SEMA3C: variants seen among roughly 807,000 people sequenced by gnomAD.
SEMA3C encodes semaphorin-3C.
A neutral mutation model predicts 89.4 loss-of-function variants in SEMA3C; 47 were observed. The ratio of observed to expected loss-of-function variants is 0.53; its 90% CI spans 0.42 to 0.67. SEMA3C has a LOEUF of 0.67. Ranked by LOEUF, SEMA3C falls within the 30% of genes least tolerant of loss-of-function variation. The pLI, the probability that SEMA3C is intolerant of heterozygous loss-of-function variation, is 0.00. For synonymous variants in SEMA3C, 310 were observed against 320.2 expected, an observed-to-expected ratio of 0.97 and a Z score of 0.34; for missense variants, 839 against 929.1, an observed-to-expected ratio of 0.90 and a Z score of 1.26.
intron 15 of SEMA3C, among the ~76,000 whole-genome samples, chr7:80,752,610 A>C (rs1158157011): frequency 3.3e-5 from 3 of 91,576 alleles, no homozygotes; most frequent in African/African-American, 1.2e-4. Context: ...GTGAGACTCC[A>C]TCTCAAAAAA....
At chr7:80,792,689 CT>C (rs1157571688) in intron 11 of SEMA3C, among the ~76,000 whole-genome samples, 1 of 152,126 alleles carries the variant, frequency 6.6e-6, no homozygotes, top group East Asian at 1.9e-4. Flanking sequence ...CTCCACAAGA[CT>C]TTTTTTAATA....
In SEMA3C at chr7:80,798,181, C is replaced by T. The variant is rs1167128915; in HGVS notation, c.1042G>A (p.Val348Met). 6.2e-7 allele frequency: 1 copy of T among 1,605,764 alleles called. No homozygotes were observed. Among genetic ancestry groups the T allele is most frequent in the Admixed American group, 1.7e-5 (1 of 58,562 alleles). ...CVYHLSDIQT[V>M]FNGPFAHKEG... The stretch of plus-strand genomic sequence containing the variant: ...TTGTGGGCAAAAGGCCCATTAAACA[C>T]AGTCTGTATATCAGATAAATGATAC... Residue 348 changes from valine to methionine, a missense_variant, in exon 11 of 18, where the codon GTG (valine) becomes ATG (methionine). Physicochemically the swap from Val to Met is conservative, Grantham distance 21. Coordinates refer to ENST00000265361, the MANE Select transcript of SEMA3C (RefSeq NM_006379.5).
chr7:80,862,229 G>T (rs1479330200), intron 2 of SEMA3C, among the ~76,000 whole-genome samples: 2 of 152,132 alleles, frequency 1.3e-5, no homozygotes, highest in East Asian at 3.9e-4. Context: ...ACTGATAAAA[G>T]AATTCAGCAA....
chr7:80,863,247 T>C (rs1463786289), intron 2 of SEMA3C, among the ~76,000 whole-genome samples: 4 of 123,282 alleles, frequency 3.2e-5, no homozygotes, highest in Admixed American at 2.4e-4. Context: ...AAAAAAAAAA[T>C]AGCTCAACAT....
intron 12 of SEMA3C, among the ~76,000 whole-genome samples, chr7:80,776,335 C>T (rs1373281975): frequency 1.3e-5 from 2 of 151,692 alleles, no homozygotes; most frequent in African/African-American, 4.8e-5. Flanking sequence ...GCAATAATGT[C>T]CTCTATTTCC....
intron 10 of SEMA3C, among the ~76,000 whole-genome samples, chr7:80,799,854 A>G (rs1281647352): frequency 2.6e-4 from 30 of 115,954 alleles, no homozygotes; most frequent in Admixed American, 4.9e-4. Context: ...ACCCAATCTT[A>G]AAAAAAAAAA....
intron 12 of SEMA3C, among the ~76,000 whole-genome samples, chr7:80,784,685 A>G (rs7810829): frequency 0.034 from 5,185 of 152,236 alleles, 183 homozygotes; most frequent in Admixed American, 0.078. Context: ...CAACTAATCA[A>G]CTCTGCTTCT....
At chr7:80,881,380 T>C (rs1003121264) in intron 2 of SEMA3C, among the ~76,000 whole-genome samples, 2 of 152,182 alleles carry the variant, frequency 1.3e-5, no homozygotes, top group African/African-American at 4.8e-5. Context: ...AAATTTGCAA[T>C]GTGTTTTATG....
chr7:80,779,999 T>C (rs965083947), intron 12 of SEMA3C, among the ~76,000 whole-genome samples: 1 of 152,162 alleles, frequency 6.6e-6, no homozygotes, highest in Non-Finnish European at 1.5e-5. Flanking sequence ...GATGAGGACC[T>C]TGAACTTTAA....
At chr7:80,916,655 C>T (rs768714318) in intron 2 of SEMA3C, 24 bp downstream of exon 2, 5 of 1,583,932 alleles carry the variant, frequency 3.2e-6, no homozygotes, top group Middle Eastern at 1.7e-4. Context: ...ACATTTTTCC[C>T]AGAGTGTTTA....
At position 80,758,480 on chromosome 7, in the gene SEMA3C, C is replaced by A; in HGVS notation, c.1494G>T (p.Leu498Phe). 1 of 1,613,476 alleles carries A rather than the reference C, an allele frequency of 6.2e-7. No individual in the cohort carries two copies. The highest frequency in any genetic ancestry group is 8.5e-7 in the Non-Finnish European group (1 of 1,179,624). The change falls in exon 15 of 18, where the codon TTG becomes TTT. Residue 498 changes from leucine (L) to phenylalanine (F), a missense_variant. Physicochemically the swap from Leu to Phe is conservative, Grantham distance 22. Transcript: ENST00000265361. ...TMKISSKKQQ[L>F]YVSSNEGVSQ... Reference sequence around the variant, plus strand: ...AAACCCCTTCATTGGAACTCACATACAACTGTTGCTATTAAAGGAATGATG... The same window carrying A: ...AAACCCCTTCATTGGAACTCACATAAAACTGTTGCTATTAAAGGAATGATG...
At chr7:80,761,576 A>G in intron 14 of SEMA3C, 40 bp downstream of exon 14, 1 of 1,077,158 alleles carries the variant, frequency 9.3e-7, no homozygotes. Context: ...ACAACAAAAC[A>G]TTTCAATAAG....
At chr7:80,910,393 A>C (rs1792115628) in intron 2 of SEMA3C, among the ~76,000 whole-genome samples, 2 of 152,196 alleles carry the variant, frequency 1.3e-5, no homozygotes, top group African/African-American at 4.8e-5. Context: ...CATACTTGCC[A>C]TCTTTTACAG....
Position 80,818,306 on chromosome 7 carries a change from C to T in SEMA3C, c.440G>A (p.Arg147Lys), listed in dbSNP as rs565769835. Residue 147 changes from arginine to lysine, a missense_variant, in exon 5 of 18, where the codon AGA becomes AAA. Physicochemically the swap from Arg to Lys is conservative, Grantham distance 26. Transcript: ENST00000265361. Reference sequence around the variant, plus strand: ...TTAAATAGTTATACTTACCTCTGATCTCCTCCCTCTGTTCAAGTAAGTACA... The same window carrying T: ...TTAAATAGTTATACTTACCTCTGATTTCCTCCCTCTGTTCAAGTAAGTACA... ...PVCTYLNRGR[R>K]SEDQVFMIDS... is the part of the protein sequence containing the mutation. The T allele has an allele frequency of 3.1e-5, 50 of 1,606,354 alleles. No individual in the cohort carries two copies. The highest frequency in any genetic ancestry group is 1.2e-4 in the South Asian group (11 of 90,322).
At chr7:80,745,693 A>G (rs762675034) in intron 17 of SEMA3C, among the ~76,000 whole-genome samples, 41 of 152,240 alleles carry the variant, frequency 2.7e-4, no homozygotes, top group Admixed American at 3.3e-4. Flanking sequence ...TATCTATTCT[A>G]TCCTGGTGTT....
intron 2 of SEMA3C, among the ~76,000 whole-genome samples, chr7:80,882,013 T>G (rs1338350823): frequency 6.6e-6 from 1 of 152,190 alleles, no homozygotes; most frequent in East Asian, 1.9e-4. Flanking sequence ...ATATCTCAAG[T>G]GAAGGAAAGA....
chr7:80,761,625 T>C lies in SEMA3C; in HGVS notation c.1476A>G (p.Ser492=). ...ATAGCTTAGTTTTTACCTTTTTAGATGAAATTTTCATTGTTGTTATAGGAG... is the reference window on the plus strand; with the variant it reads ...ATAGCTTAGTTTTTACCTTTTTAGACGAAATTTTCATTGTTGTTATAGGAG... ...NHAPITTMKI[S]SKKQQLYVSS... is the part of the protein sequence containing the mutation. Residue 492 remains serine (S), a synonymous_variant, in exon 14 of 18, where the codon TCA becomes TCG. Coordinates refer to ENST00000265361, the MANE Select transcript of SEMA3C (RefSeq NM_006379.5). 1 of 1,337,278 alleles carries C rather than the reference T, an allele frequency of 7.5e-7. No individual in the cohort carries two copies. The highest frequency in any genetic ancestry group is 1.0e-6 in the Non-Finnish European group (1 of 965,124). 82.8% of individuals were successfully genotyped at this position (1,337,278 alleles called of 1,614,324 possible). A position where few individuals can be genotyped will look rare whatever the true frequency, so the allele number is the denominator to read the frequency against.
At chr7:80,765,436 G>A (rs1423596593) in intron 12 of SEMA3C, among the ~76,000 whole-genome samples, 193 bp from the exon 13 acceptor site, 1 of 151,976 alleles carries the variant, frequency 6.6e-6, no homozygotes, top group Non-Finnish European at 1.5e-5. Context: ...CAATTCAAGG[G>A]GAACTAATAT....
chr7:80,808,607 TC>T (rs1351464045), intron 6 of SEMA3C, among the ~76,000 whole-genome samples: 1 of 152,198 alleles, frequency 6.6e-6, no homozygotes, highest in Non-Finnish European at 1.5e-5. Flanking sequence ...AGATGAGTTA[TC>T]TATTTAAATG....
Sources: allele counts gnomAD v4.1 joint callset (sites outside exome capture counted in the v4.1 genomes callset), GRCh38; gene constraint gnomAD v4.1.1; transcripts MANE v1.5; gene names NCBI Gene and HGNC (gene_info 2026-07-23, HGNC 2026-07-21).